The following B3GLCT variants were observed in gnomAD, a reference collection of about 807,000 sequenced individuals.
B3GLCT encodes the protein beta 3-glucosyltransferase.
A neutral mutation model predicts 63.4 loss-of-function variants in B3GLCT; 65 were observed. The observed-to-expected ratio is 1.03, with a 90% CI of 0.84 to 1.26. The LOEUF is 1.26. Ranked by LOEUF, B3GLCT falls within the 50% of genes most tolerant of loss-of-function variation. The probability of loss-of-function intolerance (pLI) is 0.00; values close to 1 mark genes in which losing one functional copy is unlikely to be tolerated. For synonymous variants in B3GLCT, 233 were observed against 219.2 expected, an observed-to-expected ratio of 1.06 and a Z score of -0.55; for missense variants, 577 against 604.8, an observed-to-expected ratio of 0.95 and a Z score of 0.48.
intron 9 of B3GLCT, among the ~76,000 whole-genome samples, chr13:31,275,799 GCA>G (rs140387866): frequency 6.6e-6 from 1 of 150,916 alleles, no homozygotes; most frequent in African/African-American, 2.4e-5. Context: ...ACACACACAC[GCA>G]CACACACACA....
At chr13:31,314,769 G>T (rs1478043943) in intron 12 of B3GLCT, among the ~76,000 whole-genome samples, 2 of 152,148 alleles carry the variant, frequency 1.3e-5, no homozygotes, top group Non-Finnish European at 2.9e-5. Context: ...ATTTGAGAGG[G>T]GGCAGGGGTG....
chr13:31,219,987 A>G (rs1869740319), intron 2 of B3GLCT, among the ~76,000 whole-genome samples: 1 of 152,236 alleles, frequency 6.6e-6, no homozygotes, highest in African/African-American at 2.4e-5. Flanking sequence ...AACCTACAAC[A>G]CAATCCTGTG....
intron 12 of B3GLCT, among the ~76,000 whole-genome samples, chr13:31,308,347 T>TTAAAAAAAAAAA (rs1450252463): frequency 2.1e-4 from 5 of 23,682 alleles, no homozygotes; most frequent in African/African-American, 4.4e-4. Context: ...AAAAAAAAAT[T>TTAAAAAAAAAAA]AAAAAAAAAA....
Position 31,329,621 on chromosome 13 carries a change from G to A in B3GLCT, c.1450G>A (p.Asp484Asn), listed in dbSNP as rs768767253. ...CACATGGTTGGCACCCAGTGACGAA[G>A]ACAAAGCCAGGCAGGAGACACAGAA... ...YFTWLAPSDE[D>N]KARQETQKGF... The change falls in exon 15 of 15, where the codon GAC becomes AAC. Residue 484 changes from aspartate to asparagine, a missense_variant. Physicochemically the swap from Asp to Asn is conservative, Grantham distance 23 (BLOSUM62 1). Transcript: ENST00000343307. 6.2e-7 allele frequency: 1 copy of A among 1,614,222 alleles called. No individual in the cohort carries two copies. The highest frequency in any genetic ancestry group is 2.2e-5 in the East Asian group (1 of 44,878).
intron 14 of B3GLCT, among the ~76,000 whole-genome samples, chr13:31,328,717 A>T (rs976251873): frequency 1.3e-5 from 2 of 149,486 alleles, no homozygotes; most frequent in African/African-American, 4.9e-5. Flanking sequence ...AAAAAAAAAA[A>T]GGTTTACCGA....
At chr13:31,246,949 T>TTG in intron 4 of B3GLCT, 74 bp from the exon 5 acceptor site, 1 of 1,019,624 alleles carries the variant, frequency 9.8e-7, no homozygotes, top group Non-Finnish European at 1.4e-6. Context: ...TTCTTTTCTT[T>TTG]TCTTTTTTTT....
At chr13:31,299,892 CT>C in intron 12 of B3GLCT, among the ~76,000 whole-genome samples, 1 of 152,186 alleles carries the variant, frequency 6.6e-6, no homozygotes, top group East Asian at 1.9e-4. Flanking sequence ...CCATTGCCCT[CT>C]TGCCTAACTG....
chr13:31,227,998 G>GT (rs1870186447), intron 3 of B3GLCT, among the ~76,000 whole-genome samples: 1 of 152,236 alleles, frequency 6.6e-6, no homozygotes, highest in Non-Finnish European at 1.5e-5. Flanking sequence ...GGCCTAACGT[G>GT]TTTCTCTGGG....
At chr13:31,315,583 A>C (rs1191694614) in intron 12 of B3GLCT, among the ~76,000 whole-genome samples, 1 of 152,256 alleles carries the variant, frequency 6.6e-6, no homozygotes, top group Non-Finnish European at 1.5e-5. Context: ...AACTTATTAA[A>C]AGGGAAGCAG....
chr13:31,296,498 C>T (rs756314028), intron 12 of B3GLCT, among the ~76,000 whole-genome samples: 41 of 152,176 alleles, frequency 2.7e-4, no homozygotes, highest in Admixed American at 1.3e-4. Context: ...CCCTCGTGAT[C>T]TCTTCACCCT....
intron 7 of B3GLCT, 44 bp from the exon 8 acceptor site, chr13:31,269,169 AC>A: frequency 7.6e-7 from 1 of 1,308,490 alleles, no homozygotes; most frequent in Admixed American, 1.7e-5. Context: ...GTCTTGCTTG[AC>A]ACTTCTTTTG....
At chr13:31,321,359 A>G (rs1161321138) in intron 13 of B3GLCT, among the ~76,000 whole-genome samples, 2 of 152,250 alleles carry the variant, frequency 1.3e-5, no homozygotes, top group Non-Finnish European at 2.9e-5. Context: ...GAGAACCAAT[A>G]TGCCTTTTAA....
At position 31,210,352 on chromosome 13, in the gene B3GLCT, C is replaced by T. The variant is rs987331031; in HGVS notation, c.71-4699C>T. The stretch of plus-strand genomic sequence containing the variant: ...CCAACTGCACATTAAAGCACTAAGG[C>T]CAAATTTTCAACAATATTTTCCCTA... On this transcript the variant is annotated intron_variant, in intron 1 of 14. Transcript: ENST00000343307. 2.6e-5 allele frequency among the ~76,000 whole-genome samples: 4 copies of T among 152,140 alleles called. No individual in the cohort carries two copies. The East Asian group carries it at 5.8e-4, about 22-fold the overall frequency.
At chr13:31,212,569 G>A (rs1040852143) in intron 1 of B3GLCT, among the ~76,000 whole-genome samples, 4 of 151,932 alleles carry the variant, frequency 2.6e-5, no homozygotes, top group East Asian at 1.9e-4. Context: ...CACTGGGTCC[G>A]GCCGCATGTC....
chr13:31,222,951 G>T lies in B3GLCT; in HGVS notation c.121-1G>T. The T allele has an allele frequency of 6.6e-7, 1 of 1,518,354 alleles. No homozygotes were observed. The highest frequency in any genetic ancestry group is 1.1e-5 in the South Asian group (1 of 89,040). The allele number at this position is 1,518,354 out of a possible 1,614,324, so 94.1% of individuals were successfully genotyped here. Reference sequence around the variant, plus strand: ...CTTTTTCTCTTTCATTTAAAATACAGGATTTGGAGAAAAGTGGTATATCAA... The same window carrying T: ...CTTTTTCTCTTTCATTTAAAATACATGATTTGGAGAAAAGTGGTATATCAA... On this transcript the variant is annotated splice_acceptor_variant, in intron 2 of 14. Transcript: ENST00000343307. LOFTEE classifies it high-confidence loss of function.
At chr13:31,214,936 C>A in intron 1 of B3GLCT, 115 bp from the exon 2 acceptor site, 1 of 1,037,184 alleles carries the variant, frequency 9.6e-7, no homozygotes, top group Non-Finnish European at 1.4e-6. Flanking sequence ...TAAAAATGAG[C>A]AAAATATGTC....
chr13:31,327,808 C>G (rs1468294879), intron 14 of B3GLCT, among the ~76,000 whole-genome samples: 1 of 152,146 alleles, frequency 6.6e-6, no homozygotes, highest in Non-Finnish European at 1.5e-5. Flanking sequence ...TTTTAAAATT[C>G]CTTTTAGATT....
At chr13:31,277,131 C>A (rs925433702) in intron 10 of B3GLCT, among the ~76,000 whole-genome samples, 6 of 152,122 alleles carry the variant, frequency 3.9e-5, no homozygotes, top group African/African-American at 7.2e-5. Flanking sequence ...TGAAGAATGT[C>A]AGGGGATTTC....
At chr13:31,261,116 G>C (rs1872009446) in intron 7 of B3GLCT, 34 bp downstream of exon 7, 3 of 1,588,700 alleles carry the variant, frequency 1.9e-6, no homozygotes, top group Non-Finnish European at 2.6e-6. Context: ...CGGGGGGCGG[G>C]AGGGGTGTGC....
Sources: allele counts gnomAD v4.1 joint callset (sites outside exome capture counted in the v4.1 genomes callset), GRCh38; gene constraint gnomAD v4.1.1; transcripts MANE v1.5; gene names NCBI Gene and HGNC (gene_info 2026-07-23, HGNC 2026-07-21).